The following MECOM variants were observed in gnomAD, a reference collection of about 807,000 sequenced individuals.
The protein encoded by MECOM is MDS1 and EVI1 complex locus.
MECOM carries 13 observed loss-of-function variants against 116.3 expected under a neutral mutation model. The ratio of observed to expected loss-of-function variants is 0.11; its 90% confidence interval spans 0.07 to 0.18. The LOEUF (loss-of-function observed/expected upper bound fraction) is 0.18. Among genes scored for constraint, MECOM ranks in the 10% least tolerant of loss-of-function variants. The pLI is 1.00. For missense variants in MECOM, 1,299 were observed against 1,509.0 expected (o/e 0.86, Z 2.31); for synonymous variants, 528 against 535.2 (o/e 0.99, Z 0.19).
chr3:169,644,422 A>G (rs1773896212), intron 1 of MECOM, among the ~76,000 whole-genome samples: 1 of 151,912 alleles, frequency 6.6e-6, no homozygotes, highest in Non-Finnish European at 1.5e-5. Context: ...ACGCCTGGCT[A>G]ATTTTTGTAT....
At chr3:169,556,001 T>A (rs561896408) in intron 1 of MECOM, among the ~76,000 whole-genome samples, 224 of 152,346 alleles carry the variant, frequency 1.5e-3, no homozygotes, top group African/African-American at 5.2e-3. Context: ...ATATTTTAAC[T>A]AGATTTACTT....
intron 2 of MECOM, among the ~76,000 whole-genome samples, chr3:169,273,382 G>A (rs928914853): frequency 3.9e-5 from 6 of 152,190 alleles, no homozygotes; most frequent in Admixed American, 6.5e-5. Context: ...TGTTGCAGTC[G>A]CTGAAGTTCT....
At chr3:169,101,074 C>A in intron 11 of MECOM, 112 bp from the exon 12 acceptor site, 1 of 534,646 alleles carries the variant, frequency 1.9e-6, no homozygotes, top group South Asian at 4.3e-5. Context: ...GCATGGAACT[C>A]ACATTTCTTT....
chr3:169,540,066 T>A (rs1414840508), intron 1 of MECOM, among the ~76,000 whole-genome samples: 2 of 152,184 alleles, frequency 1.3e-5, no homozygotes, highest in Admixed American at 6.5e-5. Context: ...TCTTCTCATG[T>A]ACGCTCTCTC....
chr3:169,239,718 A>G (rs931113012), intron 2 of MECOM, among the ~76,000 whole-genome samples: 2 of 152,094 alleles, frequency 1.3e-5, no homozygotes, highest in African/African-American at 4.8e-5. Flanking sequence ...ATTTTTTTCT[A>G]AATAAGTAAA....
chr3:169,338,380 C>T (rs1723926887), intron 2 of MECOM, among the ~76,000 whole-genome samples: 1 of 152,116 alleles, frequency 6.6e-6, no homozygotes, highest in South Asian at 2.1e-4. Flanking sequence ...TTGTAGGTCT[C>T]CCTGCCCTAG....
chr3:169,178,931 TAATC>T (rs1745575595), intron 2 of MECOM, among the ~76,000 whole-genome samples: 2 of 152,220 alleles, frequency 1.3e-5, no homozygotes, highest in Admixed American at 1.3e-4. Flanking sequence ...TAAGCACTAT[TAATC>T]ATGAAATTAC....
intron 2 of MECOM, among the ~76,000 whole-genome samples, chr3:169,242,719 T>C (rs988391581): frequency 6.6e-6 from 1 of 152,150 alleles, no homozygotes; most frequent in Non-Finnish European, 1.5e-5. Flanking sequence ...GCTGGGAGTT[T>C]TAGTATTTGG....
At chr3:169,283,466 C>G (rs1032844474) in intron 2 of MECOM, among the ~76,000 whole-genome samples, 2 of 151,700 alleles carry the variant, frequency 1.3e-5, no homozygotes, top group African/African-American at 4.8e-5. Flanking sequence ...AGCTTGCTTG[C>G]CAGGAAAAAT....
At chr3:169,096,431 C>A (rs181701652) in intron 12 of MECOM, among the ~76,000 whole-genome samples, 1 of 151,894 alleles carries the variant, frequency 6.6e-6, no homozygotes, top group Non-Finnish European at 1.5e-5. Context: ...TCACCATGCT[C>A]GGCTAATTTT....
intron 2 of MECOM, among the ~76,000 whole-genome samples, chr3:169,225,595 G>A (rs774900791): frequency 1.2e-4 from 18 of 152,050 alleles, no homozygotes; most frequent in Non-Finnish European, 1.8e-4. Context: ...TAGGCAGCTC[G>A]TCCTAAGACC....
intron 12 of MECOM, among the ~76,000 whole-genome samples, chr3:169,096,538 G>A (rs537123745): frequency 5.9e-5 from 9 of 152,036 alleles, no homozygotes; most frequent in African/African-American, 1.4e-4. Flanking sequence ...CCAAAGTGCC[G>A]GGATTACAGT....
At chr3:169,553,530 T>C (rs1338605455) in intron 1 of MECOM, among the ~76,000 whole-genome samples, 2 of 152,228 alleles carry the variant, frequency 1.3e-5, no homozygotes, top group Non-Finnish European at 2.9e-5. Context: ...CAGGGACTGC[T>C]AGCTAATCAC....
intron 1 of MECOM, among the ~76,000 whole-genome samples, chr3:169,648,049 A>G (rs561437792): frequency 2.6e-5 from 4 of 152,344 alleles, no homozygotes; most frequent in East Asian, 3.9e-4. Context: ...AACACCACAG[A>G]GAGCATTTTC....
intron 1 of MECOM, among the ~76,000 whole-genome samples, chr3:169,448,477 G>A (rs1247373936): frequency 2.0e-5 from 3 of 152,070 alleles, no homozygotes; most frequent in Non-Finnish European, 4.4e-5. Context: ...TCCAACTAGG[G>A]GTAAAGCCAG....
At chr3:169,544,050 TA>T (rs1760420827) in intron 1 of MECOM, among the ~76,000 whole-genome samples, 1 of 152,288 alleles carries the variant, frequency 6.6e-6, no homozygotes, top group East Asian at 1.9e-4. Context: ...CACACCCAGA[TA>T]ATTTTTTTGT....
At chr3:169,355,140 A>G (rs534357058) in intron 2 of MECOM, among the ~76,000 whole-genome samples, 1 of 152,128 alleles carries the variant, frequency 6.6e-6, no homozygotes, top group African/African-American at 2.4e-5. Context: ...GACAGATGAA[A>G]TTTAAAACTT....
In MECOM at chr3:169,338,569, A is replaced by G. The variant is rs777983445; in HGVS notation, c.375+42618T>C. On this transcript the variant is annotated intron_variant, in intron 2 of 16. Coordinates refer to ENST00000651503, the MANE Select transcript of MECOM (RefSeq NM_004991.4). ...TATAGATAACACTTTTTTCTGAATT[A>G]TAGGTATTTAGGAAATGTATTTATG... Among the ~76,000 whole-genome samples, 3 of 151,240 alleles carry G rather than the reference A, an allele frequency of 2.0e-5. No homozygotes were observed. In the South Asian group the frequency reaches 6.3e-4, roughly 32 times the overall value.
intron 1 of MECOM, among the ~76,000 whole-genome samples, chr3:169,558,140 C>T (rs1274739156): frequency 2.6e-5 from 4 of 152,238 alleles, no homozygotes; most frequent in South Asian, 2.1e-4. Context: ...TGATTCACCA[C>T]GGTGAATGAT....
Sources: allele counts gnomAD v4.1 joint callset (sites outside exome capture counted in the v4.1 genomes callset), GRCh38; gene constraint gnomAD v4.1.1; transcripts MANE v1.5; gene names NCBI Gene and HGNC (gene_info 2026-07-23, HGNC 2026-07-21).